Variants in FHIP1A observed in about 807,000 individuals in gnomAD.
FHIP1A encodes the protein FHF complex subunit HOOK-interacting protein 1A.
In FHIP1A, 61 loss-of-function variants were observed where a neutral mutation model predicts 88.6. That is an observed-to-expected ratio of 0.69 (90% confidence interval 0.56 to 0.85). The LOEUF is 0.85. Ranked by LOEUF, FHIP1A falls within the 40% of genes least tolerant of loss-of-function variation. The pLI is 0.00. For missense variants in FHIP1A, 1,154 were observed against 1,273.5 expected, an observed-to-expected ratio of 0.91 and a Z score of 1.43; for synonymous variants, 478 against 496.0, an observed-to-expected ratio of 0.96 and a Z score of 0.48.
chr4:151,570,927 A>C (rs1400308493), intron 4 of FHIP1A, among the ~76,000 whole-genome samples: 2 of 152,196 alleles, frequency 1.3e-5, no homozygotes, highest in South Asian at 2.1e-4. Flanking sequence ...TAATTTTTAT[A>C]GTAGTCTATT....
intron 3 of FHIP1A, among the ~76,000 whole-genome samples, chr4:151,518,661 C>CCCTCCCTCCCTCCCTCCCTTCCTT (rs746758648): frequency 1.3e-5 from 1 of 79,740 alleles, no homozygotes; most frequent in East Asian, 3.6e-4. Flanking sequence ...CTCCCTCCCT[C>CCCTCCCTCCCTCCCTCCCTTCCTT]CCTTCCTTCT....
Position 151,646,614 on chromosome 4 carries a change from G to A in FHIP1A, c.1283G>A (p.Arg428Lys). 5 of 1,551,674 alleles carry A rather than the reference G, an allele frequency of 3.2e-6. No homozygotes were observed. The highest frequency in any genetic ancestry group is 4.4e-6 in the Non-Finnish European group (5 of 1,146,954). ...MLSQRWAVKE[R>K]DCYSVSAAKL... The stretch of plus-strand genomic sequence containing the variant: ...AGTCAGAGGTGGGCTGTGAAGGAGA[G>A]AGACTGTTACTCTGTTTCTGCGGCC... Residue 428 changes from arginine to lysine, a missense_variant, in exon 10 of 14, where the codon AGA becomes AAA. Transcript: ENST00000435205.
At chr4:151,534,749 T>C (rs1348330308) in intron 3 of FHIP1A, 1 of 152,212 alleles carries the variant, frequency 6.6e-6, no homozygotes, top group Non-Finnish European at 1.5e-5. Context: ...TTAGCAGCAT[T>C]AGTGAGCATG....
chr4:151,509,566 A>T lies in FHIP1A; in HGVS notation c.-123+26918A>T, dbSNP rs149893568. Among the ~76,000 whole-genome samples the T allele has an allele frequency of 8.7e-4, 133 of 152,200 alleles. 1 individual carries two copies. In the East Asian group the frequency reaches 0.023, roughly 26 times the overall value. On this transcript the variant is annotated intron_variant, in intron 3 of 13. Coordinates refer to ENST00000435205, the MANE Select transcript of FHIP1A (RefSeq NM_001109977.3). ...GACCGAGGGCACCATTTGTGAGCTC[A>T]TTTTTGTGTGAAATGTACCTCGGTT...
chr4:151,619,359 C>T (rs997724375), intron 7 of FHIP1A, among the ~76,000 whole-genome samples: 10 of 152,140 alleles, frequency 6.6e-5, no homozygotes, highest in African/African-American at 2.2e-4. Context: ...GTTAGTCTGT[C>T]TAGTGTATAT....
At chr4:151,470,969 C>T (rs1729489126) in intron 2 of FHIP1A, among the ~76,000 whole-genome samples, 1 of 152,208 alleles carries the variant, frequency 6.6e-6, no homozygotes, top group Non-Finnish European at 1.5e-5. Context: ...TGCTGGCTGG[C>T]GTGGACTTGA....
chr4:151,540,499 C>T (rs1732244154), intron 3 of FHIP1A, among the ~76,000 whole-genome samples: 1 of 152,122 alleles, frequency 6.6e-6, no homozygotes, highest in Non-Finnish European at 1.5e-5. Flanking sequence ...GTAAAATCGA[C>T]ATTTTATCTT....
At chr4:151,530,179 C>G (rs538094836) in intron 3 of FHIP1A, among the ~76,000 whole-genome samples, 131 of 152,244 alleles carry the variant, frequency 8.6e-4, no homozygotes, top group African/African-American at 3.0e-3. Context: ...ATTGAGAAGT[C>G]TCCTCCTGAG....
At chr4:151,425,271 A>G (rs1430851603) in intron 1 of FHIP1A, among the ~76,000 whole-genome samples, 2 of 152,202 alleles carry the variant, frequency 1.3e-5, no homozygotes, top group Non-Finnish European at 2.9e-5. Context: ...GATGTAGCCA[A>G]ATTCAGAGTG....
chr4:151,485,686 G>C (rs1359416840), intron 3 of FHIP1A, among the ~76,000 whole-genome samples: 2 of 151,756 alleles, frequency 1.3e-5, no homozygotes, highest in Non-Finnish European at 1.5e-5. Flanking sequence ...TGACCTCCCG[G>C]GCTCAAACAA....
intron 4 of FHIP1A, among the ~76,000 whole-genome samples, chr4:151,567,630 G>C (rs1733438210): frequency 6.6e-6 from 1 of 152,124 alleles, no homozygotes; most frequent in Non-Finnish European, 1.5e-5. Context: ...TCCAAGGCGA[G>C]GTGGTGAATC....
intron 1 of FHIP1A, among the ~76,000 whole-genome samples, chr4:151,417,992 A>C (rs1732959220): frequency 6.6e-6 from 1 of 151,862 alleles, no homozygotes; most frequent in African/African-American, 2.4e-5. Flanking sequence ...AGACATAGTG[A>C]GACCCGTCTT....
chr4:151,470,386 T>G (rs1336361966), intron 2 of FHIP1A, among the ~76,000 whole-genome samples: 1 of 152,246 alleles, frequency 6.6e-6, no homozygotes, highest in East Asian at 1.9e-4. Context: ...ATATTCGTGC[T>G]TAGAAAACTT....
intron 3 of FHIP1A, among the ~76,000 whole-genome samples, chr4:151,509,565 C>G (rs117807685): frequency 6.6e-6 from 1 of 152,092 alleles, no homozygotes; most frequent in African/African-American, 2.4e-5. Flanking sequence ...TTTGTGAGCT[C>G]ATTTTTGTGT....
Position 151,662,630 on chromosome 4 carries a change from T to C in FHIP1A, c.2999T>C (p.Val1000Ala). 5.2e-6 allele frequency: 8 copies of C among 1,551,580 alleles called. No homozygotes were observed. The highest frequency in any genetic ancestry group is 1.4e-5 in the African/African-American group (1 of 73,134). Residue 1000 changes from valine to alanine, a missense_variant, in exon 14 of 14, where the codon GTG becomes GCG. Transcript: ENST00000435205. Reference sequence around the variant, plus strand: ...GCACCCCCCAACCTGCCCCTGCCGGTGAGGAACCCCATGCTGGCTGCTGCC... The same window carrying C: ...GCACCCCCCAACCTGCCCCTGCCGGCGAGGAACCCCATGCTGGCTGCTGCC... ...AEAPPNLPLP[V>A]RNPMLAAALF...
chr4:151,580,176 TG>T (rs1184369019), intron 5 of FHIP1A, among the ~76,000 whole-genome samples: 3 of 152,298 alleles, frequency 2.0e-5, no homozygotes, highest in African/African-American at 7.2e-5. Context: ...AGTAACAACC[TG>T]CCACTTTTCT....
At chr4:151,555,439 A>G (rs1732910342) in intron 3 of FHIP1A, among the ~76,000 whole-genome samples, 1 of 152,160 alleles carries the variant, frequency 6.6e-6, no homozygotes, top group Non-Finnish European at 1.5e-5. Flanking sequence ...CACTTACACA[A>G]TAACAAAAAC....
chr4:151,568,340 A>ACACT (rs995118726), intron 4 of FHIP1A, among the ~76,000 whole-genome samples: 1 of 152,194 alleles, frequency 6.6e-6, no homozygotes, highest in African/African-American at 2.4e-5. Context: ...TAAAGTTGAG[A>ACACT]CACTCATGGT....
chr4:151,453,259 G>A (rs536986620), intron 1 of FHIP1A, among the ~76,000 whole-genome samples: 6 of 152,088 alleles, frequency 3.9e-5, no homozygotes, highest in South Asian at 2.1e-4. Flanking sequence ...CAAGTGATCC[G>A]CCCGCCTTGG....
Sources: allele counts gnomAD v4.1 joint callset (sites outside exome capture counted in the v4.1 genomes callset), GRCh38; gene constraint gnomAD v4.1.1; transcripts MANE v1.5; gene names NCBI Gene and HGNC (gene_info 2026-07-23, HGNC 2026-07-21).